CFP: variants seen among roughly 807,000 people sequenced by gnomAD.
CFP encodes complement factor properdin.
In CFP, 14 loss-of-function variants were observed where a neutral mutation model predicts 42.1. That is an observed-to-expected ratio of 0.33 (90% CI 0.22 to 0.52). The LOEUF is 0.52. Among genes scored for constraint, CFP ranks in the 20% least tolerant of loss-of-function variants. The probability of loss-of-function intolerance (pLI) is 0.96; values close to 1 mark genes in which losing one functional copy is unlikely to be tolerated. For missense variants in CFP, 318 were observed against 400.4 expected (o/e 0.79, Z 1.76); for synonymous variants, 149 against 160.6 (o/e 0.93, Z 0.54).
At chrX:47,626,716 A>C in intron 6 of CFP, 57 bp downstream of exon 6, 2 of 1,152,053 alleles carry the variant, frequency 1.7e-6, no homozygotes, top group Non-Finnish European at 2.3e-6. Context: ...GGAGCTGGGC[A>C]GCAGAGAAGG....
In CFP at chrX:47,628,284, A is replaced by G; in HGVS notation, c.228-7T>C. ...CAGGGACCATCGTGGGGACCTGTGGAGAAGAGCACACACATCCCATCCTGG... is the reference window on the plus strand; with the variant it reads ...CAGGGACCATCGTGGGGACCTGTGGGGAAGAGCACACACATCCCATCCTGG... On this transcript the variant is annotated splice_region_variant and splice_polypyrimidine_tract_variant and intron_variant, in intron 2 of 8. Transcript: ENST00000396992. 1 of 1,203,205 alleles carries G rather than the reference A, an allele frequency of 8.3e-7. No homozygotes were observed. The highest frequency in any genetic ancestry group is 1.8e-5 in the South Asian group (1 of 55,825).
At position 47,623,973 on chromosome X, in the gene CFP, G is replaced by A. The variant is rs924671793; in HGVS notation, c.*302C>T. The stretch of plus-strand genomic sequence containing the variant: ...AGAGGAACGTGCCGGGCGGCCCTGA[G>A]GCTCTAAGGGGGCTGCGCAGGGCCC... On this transcript the variant is annotated 3_prime_UTR_variant, in exon 9 of 9. Coordinates refer to ENST00000396992, the MANE Select transcript of CFP (RefSeq NM_001145252.3). 11 of 319,821 alleles carry A rather than the reference G, an allele frequency of 3.4e-5. No homozygotes were observed. The highest frequency in any genetic ancestry group is 2.4e-4 in the African/African-American group (9 of 37,836). The allele number at this position is 319,821 out of a possible 1,213,427, so 26.4% of individuals were successfully genotyped here. A position where few individuals can be genotyped will look rare whatever the true frequency, so the allele number is the denominator to read the frequency against.
intron 8 of CFP, chrX:47,625,378 A>T (rs1253277505): frequency 1.7e-5 from 2 of 114,338 alleles, no homozygotes; most frequent in African/African-American, 6.5e-5. Context: ...AAGGAAGAAA[A>T]GGGATGAACA....
intron 2 of CFP, 24 bp downstream of exon 2, chrX:47,629,500 C>CAAA: frequency 2.1e-6 from 1 of 477,884 alleles, no homozygotes; most frequent in Non-Finnish European, 3.6e-6. Flanking sequence ...TCCCCCCCAT[C>CAAA]CCCCACCCCA....
chrX:47,624,003 A>G lies in CFP; in HGVS notation c.*272T>C, dbSNP rs1426325114. On this transcript the variant is annotated 3_prime_UTR_variant, in exon 9 of 9. Coordinates refer to ENST00000396992, the MANE Select transcript of CFP (RefSeq NM_001145252.3). ...TAAGGGGGCTGCGCAGGGCCCAGAC[A>G]TTGGGGTTATGGCAGCGGCGGGGAG... The G allele has an allele frequency of 8.1e-6, 3 of 369,702 alleles. No individual in the cohort carries two copies. The highest frequency in any genetic ancestry group is 7.2e-5 in the South Asian group (2 of 27,953). 30.5% of individuals were successfully genotyped at this position (369,702 alleles called of 1,213,427 possible). A position where few individuals can be genotyped will look rare whatever the true frequency, so the allele number is the denominator to read the frequency against.
rs750975354 is a variant in CFP, at chrX:47,628,183, T to A, written c.322A>T (p.Asn108Tyr). 4.9e-5 allele frequency: 59 copies of A among 1,209,332 alleles called. No individual in the cohort carries two copies. The highest frequency in any genetic ancestry group is 6.5e-5 in the Non-Finnish European group (58 of 895,021). ...GCCACCTTTCCAGAGCACTGCCCAT[T>A]CCAGCCCACACAGCGCCGGTACCGC... Reference protein sequence around the residue: ...QLRYRRCVGWNGQCSGKVAPG... With the variant: ...QLRYRRCVGWYGQCSGKVAPG... The change falls in exon 3 of 9, where the codon AAT (asparagine) becomes TAT (tyrosine). Residue 108 changes from asparagine (N) to tyrosine (Y), a missense_variant. Transcript: ENST00000396992.
chrX:47,629,512 G>T lies in CFP; in HGVS notation c.227+12C>A. ...CCCTCCCCCCCATCCCCCACCCCAGGCTCCCCCTAACCTGCAAGGCTGACA... is the reference window on the plus strand; with the variant it reads ...CCCTCCCCCCCATCCCCCACCCCAGTCTCCCCCTAACCTGCAAGGCTGACA... On this transcript the variant is annotated intron_variant, in intron 2 of 8. Transcript: ENST00000396992. The T allele has an allele frequency of 3.0e-6, 2 of 673,116 alleles. No individual in the cohort carries two copies. The highest frequency in any genetic ancestry group is 2.2e-5 in the African/African-American group (1 of 45,408). 55.5% of individuals were successfully genotyped at this position (673,116 alleles called of 1,213,427 possible). A position where few individuals can be genotyped will look rare whatever the true frequency, so the allele number is the denominator to read the frequency against.
At chrX:47,625,653 G>A (rs1027708322) in intron 8 of CFP, 7 of 252,151 alleles carry the variant, frequency 2.8e-5, no homozygotes, top group African/African-American at 2.0e-4. Context: ...TGGGCTGTGT[G>A]TATCTGCAAC....
chrX:47,629,522 A>C lies in CFP; in HGVS notation c.227+2T>G, dbSNP rs1317275240. 7 of 1,128,357 alleles carry C rather than the reference A, an allele frequency of 6.2e-6. No homozygotes were observed. The highest frequency in any genetic ancestry group is 2.6e-5 in the Admixed American group (1 of 38,142). The allele number at this position is 1,128,357 out of a possible 1,213,427, so 93.0% of individuals were successfully genotyped here. On this transcript the variant is annotated splice_donor_variant, in intron 2 of 8. Coordinates refer to ENST00000396992, the MANE Select transcript of CFP (RefSeq NM_001145252.3). LOFTEE classifies it high-confidence loss of function. ...CATCCCCCACCCCAGGCTCCCCCTA[A>C]CCTGCAAGGCTGACAGAGCCCACCA...
At position 47,624,397 on chromosome X, in the gene CFP, T is replaced by A; in HGVS notation, c.1288A>T (p.Thr430Ser). The change falls in exon 9 of 9, where the codon ACC (threonine) becomes TCC (serine). Residue 430 changes from threonine to serine, a missense_variant. Physicochemically the swap from Thr to Ser is moderately conservative, Grantham distance 58. Coordinates refer to ENST00000396992, the MANE Select transcript of CFP (RefSeq NM_001145252.3). ...MVEGQGEKNVTFWGRPLPRCE... is the reference protein window; with the variant it reads ...MVEGQGEKNVSFWGRPLPRCE... ...CGTGGCAGCGGTCTCCCCCAGAAGG[T>A]CACGTTCTTCTCGCCCTGACCTTCG... The A allele has an allele frequency of 8.3e-7, 1 of 1,210,638 alleles. No individual in the cohort carries two copies. Among genetic ancestry groups the A allele is most frequent in the South Asian group, 1.8e-5 (1 of 56,908 alleles).
Position 47,624,454 on chromosome X carries a change from G to A in CFP, c.1245-14C>T, listed in dbSNP as rs769210799. On this transcript the variant is annotated splice_polypyrimidine_tract_variant and intron_variant, in intron 8 of 8. Coordinates refer to ENST00000396992, the MANE Select transcript of CFP (RefSeq NM_001145252.3). ...GAAACGGTGGGCCTGAGGCATTAGG[G>A]GTGGGGAGGAACGGAAGGGAGAATC... The A allele has an allele frequency of 1.7e-6, 2 of 1,203,308 alleles. No homozygotes were observed. Among genetic ancestry groups the A allele is most frequent in the Admixed American group, 4.4e-5 (2 of 45,674 alleles).
In CFP at chrX:47,626,439, G is replaced by T; in HGVS notation, c.1021C>A (p.Pro341Thr). ...NMKSISCQEI[P>T]GQQSRGRTCR... is the part of the protein sequence containing the mutation. Reference sequence around the variant, plus strand: ...GTCCTCCCGCGTGACTGCTGGCCCGGGATTTCTTGACAGCTGATGGACTTC... The same window carrying T: ...GTCCTCCCGCGTGACTGCTGGCCCGTGATTTCTTGACAGCTGATGGACTTC... Residue 341 changes from proline to threonine, a missense_variant, in exon 7 of 9, where the codon CCG (proline) becomes ACG (threonine). By Grantham distance (38) the Pro-to-Thr change is conservative. Transcript: ENST00000396992. The T allele has an allele frequency of 8.3e-7, 1 of 1,211,583 alleles. No homozygotes were observed. Among genetic ancestry groups the T allele is most frequent in the East Asian group, 3.0e-5 (1 of 33,841 alleles).
At chrX:47,626,656 T>C (rs1603083299) in intron 6 of CFP, 117 bp downstream of exon 6, 3 of 1,050,526 alleles carry the variant, frequency 2.9e-6, no homozygotes, top group East Asian at 6.3e-5. Flanking sequence ...AAACAAGGTA[T>C]CAGGGCCAGG....
Position 47,627,187 on chromosome X carries a change from C to A in CFP, c.720G>T (p.Gly240=). The part of the protein sequence containing the change: ...SQKPPGKPCP[G]LAYEQRRCTG... ...TGCACCTCCGCTGCTCGTAGGCTAG[C>A]CCCGGGCAGGGCTTCCCAGGAGGTT... Residue 240 remains glycine, a synonymous_variant, in exon 5 of 9, where the codon GGG becomes GGT. Coordinates refer to ENST00000396992, the MANE Select transcript of CFP (RefSeq NM_001145252.3). 9.1e-6 allele frequency: 11 copies of A among 1,211,772 alleles called. No homozygotes were observed. Among genetic ancestry groups the A allele is most frequent in the Non-Finnish European group, 1.1e-5 (10 of 895,365 alleles).
chrX:47,627,292 G>A lies in CFP; in HGVS notation c.615C>T (p.Cys205=). Residue 205 remains cysteine (C), a synonymous_variant, in exon 5 of 9, where the codon TGC becomes TGT. Coordinates refer to ENST00000396992, the MANE Select transcript of CFP (RefSeq NM_001145252.3). ...GGGGTCCACCGTGGCAGGAGGCTGAGCAGGGGGTCCAGGGGCCCCAGGTGG... is the reference window on the plus strand; with the variant it reads ...GGGGTCCACCGTGGCAGGAGGCTGAACAGGGGGTCCAGGGGCCCCAGGTGG... ...AWATWGPWTP[C]SASCHGGPHE... 8.3e-7 allele frequency: 1 copy of A among 1,206,034 alleles called. No homozygotes were observed.
Position 47,627,131 on chromosome X carries a change from C to T in CFP, c.766+10G>A. 1 of 1,210,721 alleles carries T rather than the reference C, an allele frequency of 8.3e-7. No homozygotes were observed. The highest frequency in any genetic ancestry group is 2.3e-4 in the Middle Eastern group (1 of 4,350). On this transcript the variant is annotated intron_variant, in intron 5 of 8. Coordinates refer to ENST00000396992, the MANE Select transcript of CFP (RefSeq NM_001145252.3). ...CCACCAGCAACATCAGCAGCCTCAT[C>T]CTGGTGTACCTGGGCAGGGTGGCAG...
intron 2 of CFP, 38 bp downstream of exon 2, chrX:47,629,486 T>TGCC: frequency 6.6e-5 from 44 of 669,594 alleles, no homozygotes; most frequent in Non-Finnish European, 9.1e-5. Flanking sequence ...AGACAGTCCT[T>TGCC]CCCTCCCCCC....
intron 8 of CFP, 97 bp from the exon 9 acceptor site, chrX:47,624,537 TA>T: frequency 1.9e-6 from 1 of 515,045 alleles, no homozygotes. Context: ...TGCCGAGGGC[TA>T]CTTTTTTTTT....
rs750940456 is a variant in CFP, at chrX:47,627,265, G to A, written c.642C>T (p.His214=). 1.7e-6 allele frequency: 2 copies of A among 1,209,530 alleles called. No homozygotes were observed. The highest frequency in any genetic ancestry group is 2.2e-6 in the Non-Finnish European group (2 of 893,962). ...PCSASCHGGP[H]EPKETRSRKC... ...TGCGGCTTCGTGTCTCCTTAGGTTC[G>A]TGGGGTCCACCGTGGCAGGAGGCTG... is the stretch of plus-strand genomic sequence containing the variant. Residue 214 remains histidine, a synonymous_variant, in exon 5 of 9, where the codon CAC becomes CAT. Coordinates refer to ENST00000396992, the MANE Select transcript of CFP (RefSeq NM_001145252.3).
Sources: allele counts gnomAD v4.1 joint callset, GRCh38; gene constraint gnomAD v4.1.1; transcripts MANE v1.5; gene names NCBI Gene and HGNC (gene_info 2026-07-23, HGNC 2026-07-21).